The following OVCH2 variants were observed in gnomAD, a reference collection of about 807,000 sequenced individuals.
The protein encoded by OVCH2 is ovochymase-2.
OVCH2 carries 88 observed loss-of-function variants against 73.7 expected under a neutral mutation model. That is an observed-to-expected ratio of 1.19 (90% confidence interval 1.01 to 1.43). The LOEUF (loss-of-function observed/expected upper bound fraction) is 1.43. OVCH2 is among the 40% of genes most tolerant of loss of function. The pLI is 0.00. For synonymous variants in OVCH2, 265 were observed against 234.5 expected, an observed-to-expected ratio of 1.13 and a Z score of -1.19; for missense variants, 706 against 674.5, an observed-to-expected ratio of 1.05 and a Z score of -0.52.
At chr11:7,681,029 G>A in the OVCH2 span, among the ~76,000 whole-genome samples, 752 of 152,236 alleles carry the variant, frequency 4.9e-3, 11 homozygotes, top group African/African-American at 0.017. Context: ...GCCAGAGCTT[G>A]TAAGCAGACC....
At chr11:7,698,342 G>C (rs1197937834) in intron 8 of OVCH2, among the ~76,000 whole-genome samples, 2 of 152,178 alleles carry the variant, frequency 1.3e-5, no homozygotes, top group Non-Finnish European at 2.9e-5. Flanking sequence ...ATGGATGAGG[G>C]CCAGAGTTAG....
Position 7,689,572 on chromosome 11 carries a change from G to C in OVCH2, c.*62C>G. ...CCAAGCCTCTCCTCTAGCTTCTGGT[G>C]GTTTACTGACAGTCACTGGTGCCCC... is the stretch of plus-strand genomic sequence containing the variant. On this transcript the variant is annotated 3_prime_UTR_variant, in exon 16 of 16. Coordinates refer to ENST00000533663, the MANE Select transcript of OVCH2 (RefSeq NM_198185.7). 2.2e-6 allele frequency: 1 copy of C among 462,540 alleles called. No individual in the cohort carries two copies. Among genetic ancestry groups the C allele is most frequent in the Non-Finnish European group, 4.3e-6 (1 of 231,500 alleles). 28.7% of individuals were successfully genotyped at this position (462,540 alleles called of 1,614,324 possible). A position where few individuals can be genotyped will look rare whatever the true frequency, so the allele number is the denominator to read the frequency against.
rs1470945629 is a variant in OVCH2 at position 7,689,527 on chromosome 11, G to A, written c.*107C>T. ...TCAGCAGGGATGGCTCTGTCTGAGG[G>A]CTGTGACGAGGAGTCTGCCCCAAGC... is the stretch of plus-strand genomic sequence containing the variant. On this transcript the variant is annotated 3_prime_UTR_variant, in exon 16 of 16. Coordinates refer to ENST00000533663, the MANE Select transcript of OVCH2 (RefSeq NM_198185.7). The A allele has an allele frequency of 2.4e-6, 1 of 423,126 alleles. No homozygotes were observed. Among genetic ancestry groups the A allele is most frequent in the Non-Finnish European group, 4.8e-6 (1 of 209,408 alleles). 26.2% of individuals were successfully genotyped at this position (423,126 alleles called of 1,614,324 possible). A position where few individuals can be genotyped will look rare whatever the true frequency, so the allele number is the denominator to read the frequency against.
At position 7,689,619 on chromosome 11, in the gene OVCH2, G is replaced by A. The variant is rs1485816071; in HGVS notation, c.*32-17C>T. On this transcript the variant is annotated splice_polypyrimidine_tract_variant and intron_variant, in intron 15 of 15. Transcript: ENST00000533663. ...CCCCTTGGCCTGTAGATAATGTATT[G>A]CCCCAACCTCTGCCTTCATCATTAC... The A allele has an allele frequency of 2.1e-6, 1 of 486,050 alleles. No homozygotes were observed. Among genetic ancestry groups the A allele is most frequent in the Non-Finnish European group, 4.0e-6 (1 of 247,152 alleles). 30.1% of individuals were successfully genotyped at this position (486,050 alleles called of 1,614,324 possible).
chr11:7,694,947 T>C (rs750365489), intron 12 of OVCH2, 111 bp downstream of exon 12: 85 of 1,276,516 alleles, frequency 6.7e-5, no homozygotes, highest in Non-Finnish European at 9.1e-5. Flanking sequence ...GGGTTCTAGG[T>C]ACTGAAAACA....
chr11:7,696,729 G>A lies in OVCH2; in HGVS notation c.996C>T (p.His332=). The change falls in exon 9 of 16, where the codon CAC becomes CAT. Residue 332 remains histidine, a synonymous_variant. Transcript: ENST00000533663. ...CTCACTGCTTGCTCTCATAATATAG[G>A]TGGAGGCTTTCTGGGAAGTGCAGCT... ...EGKLHFPESL[H]LYYESKQRCV... is the part of the protein sequence containing the mutation. 2 of 1,613,646 alleles carry A rather than the reference G, an allele frequency of 1.2e-6. No individual in the cohort carries two copies. The highest frequency in any genetic ancestry group is 1.7e-6 in the Non-Finnish European group (2 of 1,179,776).
intron 1 of OVCH2, among the ~76,000 whole-genome samples, chr11:7,704,937 CT>C (rs1856506070): frequency 1.3e-5 from 2 of 152,116 alleles, no homozygotes; most frequent in Non-Finnish European, 2.9e-5. Context: ...GAAAAAACTC[CT>C]CCCTCTTTAT....
chr11:7,678,765 G>C, the OVCH2 span, among the ~76,000 whole-genome samples: 1 of 152,190 alleles, frequency 6.6e-6, no homozygotes. Flanking sequence ...GATGGGAGCA[G>C]TAGCCACTGG....
chr11:7,691,324 A>G lies in OVCH2; in HGVS notation c.1584T>C (p.Asp528=). ...GAAAGCCCCTGCAGGTCCCGTTTTC[A>G]TCTGATTGGAAGCTGATGAGCATGA... ...SSIMLISFQS[D]ENGTCRGFQA... The change falls in exon 14 of 16, where the codon GAT becomes GAC. Residue 528 remains aspartate (D), a synonymous_variant. Transcript: ENST00000533663. The G allele has an allele frequency of 1.2e-6, 2 of 1,613,878 alleles. No individual in the cohort carries two copies. Among genetic ancestry groups the G allele is most frequent in the South Asian group, 1.1e-5 (1 of 91,080 alleles).
intron 14 of OVCH2, among the ~76,000 whole-genome samples, chr11:7,690,911 A>T (rs1856207980): frequency 6.6e-6 from 1 of 152,190 alleles, no homozygotes; most frequent in Non-Finnish European, 1.5e-5. Context: ...CACGTGTTAG[A>T]TAAGCTTTGT....
chr11:7,696,961 G>T lies in OVCH2; in HGVS notation c.926-162C>A, dbSNP rs996430229. On this transcript the variant is annotated intron_variant, in intron 8 of 15. Coordinates refer to ENST00000533663, the MANE Select transcript of OVCH2 (RefSeq NM_198185.7). ...TCTTTGCTTCTATGATGCCTTTTTG[G>T]TTCCTTTTAGATCCTGCTTAACCTT... The T allele has an allele frequency of 3.4e-5, 22 of 638,664 alleles. No homozygotes were observed. In the East Asian group the frequency reaches 5.5e-4, roughly 16 times the overall value. 39.6% of individuals were successfully genotyped at this position (638,664 alleles called of 1,614,324 possible). A position where few individuals can be genotyped will look rare whatever the true frequency, so the allele number is the denominator to read the frequency against.
At chr11:7,698,904 AAAG>A (rs1555014921) in intron 7 of OVCH2, 131 bp from the exon 8 acceptor site, 92 of 915,110 alleles carry the variant, frequency 1.0e-4, no homozygotes, top group Non-Finnish European at 1.4e-4. Flanking sequence ...TTATCTGTGG[AAAG>A]AAGGGAAGGG....
In OVCH2 at chr11:7,702,403, G is replaced by A. The variant is rs147438167; in HGVS notation, c.291-74C>T. 3.2e-5 allele frequency: 38 copies of A among 1,171,512 alleles called. No individual in the cohort carries two copies. The East Asian group carries it at 8.2e-4, about 25-fold the overall frequency. 72.6% of individuals were successfully genotyped at this position (1,171,512 alleles called of 1,614,324 possible). ...TACAGTTGCAATGGTTGACACACTA[G>A]CTTCTTTAAAATGATATGGATAAAT... On this transcript the variant is annotated intron_variant, in intron 3 of 15. Transcript: ENST00000533663.
chr11:7,697,014 TAAC>T, intron 8 of OVCH2: 1 of 518,294 alleles, frequency 1.9e-6, no homozygotes, highest in Non-Finnish European at 3.4e-6. Flanking sequence ...TTTCTTTCCT[TAAC>T]TCTTCTCTCT....
At chr11:7,684,912 C>T (rs1355217544), downstream of OVCH2, among the ~76,000 whole-genome samples, 1 of 152,138 alleles carries the variant, frequency 6.6e-6, no homozygotes, top group African/African-American at 2.4e-5. Flanking sequence ...GTGTCTGTCT[C>T]TTGCATTTGT....
chr11:7,701,033 G>T (rs551449024), intron 6 of OVCH2, among the ~76,000 whole-genome samples: 5 of 151,474 alleles, frequency 3.3e-5, no homozygotes, highest in Non-Finnish European at 7.4e-5. Flanking sequence ...ACCTCCCTTG[G>T]TACTCCTAAC....
At chr11:7,697,407 C>T (rs1181455706) in intron 8 of OVCH2, among the ~76,000 whole-genome samples, 2 of 152,186 alleles carry the variant, frequency 1.3e-5, no homozygotes, top group African/African-American at 4.8e-5. Context: ...TTCTAGCCTT[C>T]GTCCTCATCT....
At chr11:7,703,836 C>G (rs1025139507) in intron 2 of OVCH2, 47 bp from the exon 3 acceptor site, 1 of 1,449,300 alleles carries the variant, frequency 6.9e-7, no homozygotes, top group South Asian at 1.2e-5. Flanking sequence ...GCCCTGGGAT[C>G]CCCCTAAACA....
At chr11:7,702,698 G>A (rs1856467237) in intron 3 of OVCH2, among the ~76,000 whole-genome samples, 1 of 152,126 alleles carries the variant, frequency 6.6e-6, no homozygotes, top group Non-Finnish European at 1.5e-5. Flanking sequence ...GACCCTTTGG[G>A]AATGATTTGT....
Sources: allele counts gnomAD v4.1 joint callset (sites outside exome capture counted in the v4.1 genomes callset), GRCh38; gene constraint gnomAD v4.1.1; transcripts MANE v1.5; gene names NCBI Gene and HGNC (gene_info 2026-07-23, HGNC 2026-07-21).